The following KCNIP4 variants were observed in gnomAD, a reference collection of about 807,000 sequenced individuals.
KCNIP4 encodes the protein Kv channel-interacting protein 4.
A neutral mutation model predicts 34.0 loss-of-function variants in KCNIP4; 12 were observed. The observed-to-expected ratio is 0.35, with a 90% CI of 0.23 to 0.57. The LOEUF (loss-of-function observed/expected upper bound fraction) is 0.57, where lower values mean the gene tolerates loss of function less well. Ranked by LOEUF, KCNIP4 falls within the 20% of genes least tolerant of loss-of-function variation. KCNIP4 has a pLI of 0.83. For missense variants in KCNIP4, 238 were observed against 311.7 expected, an observed-to-expected ratio of 0.76 and a Z score of 1.78; for synonymous variants, 124 against 102.2, an observed-to-expected ratio of 1.21 and a Z score of -1.29.
chr4:20,853,200 AG>A (rs1721215806), intron 2 of KCNIP4, among the ~76,000 whole-genome samples: 1 of 152,246 alleles, frequency 6.6e-6, no homozygotes, highest in South Asian at 2.1e-4. Flanking sequence ...CTAAGCAAAA[AG>A]AACAAATCTG....
At chr4:21,272,437 C>G (rs899583540) in intron 1 of KCNIP4, among the ~76,000 whole-genome samples, 1 of 152,138 alleles carries the variant, frequency 6.6e-6, no homozygotes. Context: ...GTCATCAGAT[C>G]TTCATGGCAA....
intron 2 of KCNIP4, among the ~76,000 whole-genome samples, chr4:20,868,967 CAT>C (rs1297085007): frequency 2.0e-5 from 3 of 152,006 alleles, no homozygotes; most frequent in African/African-American, 7.2e-5. Flanking sequence ...CTGTATCTAA[CAT>C]AGAATTTGAA....
intron 1 of KCNIP4, among the ~76,000 whole-genome samples, chr4:20,955,258 T>C (rs1170181190): frequency 6.6e-6 from 1 of 152,216 alleles, no homozygotes; most frequent in Non-Finnish European, 1.5e-5. Flanking sequence ...CGGCAAAATG[T>C]GTCTACTGTC....
At chr4:21,639,111 A>G (rs1746426323) in intron 1 of KCNIP4, among the ~76,000 whole-genome samples, 1 of 152,232 alleles carries the variant, frequency 6.6e-6, no homozygotes, top group Admixed American at 6.6e-5. Context: ...ACTATTGCCC[A>G]GAAATGAGAA....
chr4:21,392,332 C>T (rs181192325), intron 1 of KCNIP4, among the ~76,000 whole-genome samples: 1 of 152,292 alleles, frequency 6.6e-6, no homozygotes, highest in East Asian at 1.9e-4. Flanking sequence ...ATTAAGAGTT[C>T]ATTTCTTATA....
chr4:21,924,272 C>G (rs1351423818), intron 1 of KCNIP4, among the ~76,000 whole-genome samples: 1 of 122,782 alleles, frequency 8.1e-6, no homozygotes, highest in Non-Finnish European at 1.6e-5. Flanking sequence ...GAGACGGAAT[C>G]TCGCTCTGTC....
intron 1 of KCNIP4, among the ~76,000 whole-genome samples, chr4:21,753,685 G>A (rs958026131): frequency 1.7e-4 from 26 of 152,066 alleles, no homozygotes; most frequent in African/African-American, 4.6e-4. Flanking sequence ...AGGGAAGCCC[G>A]GACTCGTCTT....
chr4:21,416,652 C>G (rs1187484065), intron 1 of KCNIP4, among the ~76,000 whole-genome samples: 1 of 152,130 alleles, frequency 6.6e-6, no homozygotes, highest in African/African-American at 2.4e-5. Context: ...GTAAGTTCCT[C>G]AAATTTATAA....
chr4:21,451,213 C>T (rs780947196), intron 1 of KCNIP4, among the ~76,000 whole-genome samples: 1 of 152,038 alleles, frequency 6.6e-6, no homozygotes, highest in Non-Finnish European at 1.5e-5. Flanking sequence ...TATTGCCATT[C>T]CTGAGTAATG....
chr4:21,558,103 C>T (rs147636299), intron 1 of KCNIP4, among the ~76,000 whole-genome samples: 80 of 152,202 alleles, frequency 5.3e-4, no homozygotes, highest in Admixed American at 8.5e-4. Flanking sequence ...AGAAACTTCC[C>T]GTAAACCAGA....
chr4:20,928,244 C>CTTTTTTTT (rs11403879), intron 1 of KCNIP4, among the ~76,000 whole-genome samples: 1 of 146,986 alleles, frequency 6.8e-6, no homozygotes. Context: ...AAGATAGTTT[C>CTTTTTTTT]TTTTTTTTTT....
chr4:21,769,910 G>C (rs1718663547), intron 1 of KCNIP4, among the ~76,000 whole-genome samples: 1 of 152,102 alleles, frequency 6.6e-6, no homozygotes, highest in Non-Finnish European at 1.5e-5. Context: ...CTATTATTGT[G>C]AGGTTACTAA....
intron 1 of KCNIP4, among the ~76,000 whole-genome samples, chr4:21,287,282 T>A (rs995989769): frequency 6.6e-6 from 1 of 152,202 alleles, no homozygotes; most frequent in African/African-American, 2.4e-5. Flanking sequence ...ATCATTTACA[T>A]GAATAAAGAA....
chr4:21,291,374 G>A (rs1047994160), intron 1 of KCNIP4, among the ~76,000 whole-genome samples: 6 of 128,448 alleles, frequency 4.7e-5, no homozygotes, highest in African/African-American at 1.6e-4. Flanking sequence ...GTACAAATAG[G>A]TATGTGTAGA....
intron 1 of KCNIP4, among the ~76,000 whole-genome samples, chr4:21,244,543 A>T (rs548950392): frequency 1.3e-5 from 2 of 152,312 alleles, no homozygotes; most frequent in South Asian, 4.1e-4. Flanking sequence ...CATTCTATTT[A>T]TAATATTGAA....
intron 1 of KCNIP4, among the ~76,000 whole-genome samples, chr4:21,605,226 C>A (rs1462288551): frequency 1.3e-5 from 2 of 152,180 alleles, no homozygotes; most frequent in Non-Finnish European, 2.9e-5. Context: ...TCAGAAATAG[C>A]AGACTCCTGA....
intron 3 of KCNIP4, among the ~76,000 whole-genome samples, 154 bp from the exon 4 acceptor site, chr4:20,759,044 A>G (rs948660659): frequency 3.9e-5 from 6 of 152,118 alleles, no homozygotes; most frequent in Non-Finnish European, 7.4e-5. Flanking sequence ...GCACACTATA[A>G]ACTTATGTTT....
At chr4:21,597,944 G>A (rs998272328) in intron 1 of KCNIP4, among the ~76,000 whole-genome samples, 5 of 150,230 alleles carry the variant, frequency 3.3e-5, no homozygotes, top group African/African-American at 1.0e-4. Context: ...GACAACAGAA[G>A]AGAAAAGAAA....
chr4:21,828,371 A>G (rs1722792510), intron 1 of KCNIP4, among the ~76,000 whole-genome samples: 1 of 151,892 alleles, frequency 6.6e-6, no homozygotes. Flanking sequence ...AGGTAGTGTA[A>G]GAAGGTCTAA....
Sources: gnomAD v4.1 joint callset for allele counts (sites outside exome capture counted in the v4.1 genomes callset) on GRCh38, gnomAD v4.1.1 for gene constraint, MANE v1.5 for transcripts, NCBI Gene and HGNC (gene_info 2026-07-23, HGNC 2026-07-21) for gene names.